Variants in PDE8A observed in about 807,000 individuals in gnomAD.
PDE8A encodes high affinity cAMP-specific and IBMX-insensitive 3',5'-cyclic phosphodiesterase 8A.
PDE8A carries 59 observed loss-of-function variants against 105.0 expected under a neutral mutation model. That is an observed-to-expected ratio of 0.56 (90% CI 0.46 to 0.70). The LOEUF is 0.70. PDE8A is among the 30% of genes least tolerant of loss of function. The probability of loss-of-function intolerance (pLI) is 0.00; values close to 1 mark genes in which losing one functional copy is unlikely to be tolerated. For synonymous variants in PDE8A, 355 were observed against 371.9 expected (o/e 0.95, Z 0.52); for missense variants, 1,014 against 1,045.9 (o/e 0.97, Z 0.42).
rs191446920 is a variant in PDE8A at position 85,076,244 on chromosome 15, T to C, written c.491+326T>C. Among the ~76,000 whole-genome samples, 429 of 152,248 alleles carry C rather than the reference T, an allele frequency of 2.8e-3. 2 individuals are homozygous for C. Among genetic ancestry groups the C allele is most frequent in the African/African-American group, 1.0e-2 (415 of 41,532 alleles). ...ACTCCAAATATCTCTGAGGGGGGAA[T>C]CTTAGGTTTTGTCTTTAAATTGGAG... On this transcript the variant is annotated intron_variant, in intron 4 of 21. Transcript: ENST00000394553.
chr15:85,060,888 T>G (rs771512455), intron 1 of PDE8A, among the ~76,000 whole-genome samples: 15 of 152,218 alleles, frequency 9.9e-5, no homozygotes, highest in Non-Finnish European at 2.9e-5. Context: ...ATTGAGATCT[T>G]TATTTCTTCA....
In PDE8A at chr15:84,982,309, C is replaced by T. The variant is rs779281295; in HGVS notation, c.147C>T (p.Gly49=). ...TAALPRTRGA[G]LLESELRDGS... is the part of the protein sequence containing the mutation. ...CCTTGCCCCGGACCCGCGGCGCCGG[C>T]CTCTTGGAGTCGGAGCTTCGCGACG... Residue 49 remains glycine, a synonymous_variant, in exon 1 of 22, where the codon GGC becomes GGT. Coordinates refer to ENST00000394553, the MANE Select transcript of PDE8A (RefSeq NM_002605.3). The T allele has an allele frequency of 2.5e-5, 34 of 1,351,086 alleles. No individual in the cohort carries two copies. Among genetic ancestry groups the T allele is most frequent in the Middle Eastern group, 2.5e-4 (1 of 3,968 alleles). 83.7% of individuals were successfully genotyped at this position (1,351,086 alleles called of 1,614,324 possible).
intron 1 of PDE8A, among the ~76,000 whole-genome samples, chr15:85,058,543 T>C (rs777919934): frequency 1.2e-4 from 18 of 152,202 alleles, no homozygotes; most frequent in Admixed American, 3.3e-4. Context: ...GGGTTTTCTT[T>C]GTTGGGGGAT....
chr15:85,033,028 G>A (rs1161671294), intron 1 of PDE8A, among the ~76,000 whole-genome samples: 2 of 152,134 alleles, frequency 1.3e-5, no homozygotes, highest in African/African-American at 4.8e-5. Flanking sequence ...CCAGCAGCTA[G>A]GAGAGAAAGA....
chr15:85,019,943 G>GTTTTTTTTTTTTTT (rs201634002), intron 1 of PDE8A, among the ~76,000 whole-genome samples: 13 of 64,776 alleles, frequency 2.0e-4, no homozygotes, highest in East Asian at 5.8e-4. Flanking sequence ...TTTTTTTTTG[G>GTTTTTTTTTTTTTT]TTTTTTTTTT....
chr15:85,109,160 T>G, intron 12 of PDE8A, 30 bp downstream of exon 12: 1 of 1,488,812 alleles, frequency 6.7e-7, no homozygotes, highest in Non-Finnish European at 9.4e-7. Context: ...GAAAAAAATG[T>G]GATCAAATCA....
chr15:84,993,291 A>G (rs1279810041), intron 1 of PDE8A, among the ~76,000 whole-genome samples: 2 of 151,870 alleles, frequency 1.3e-5, no homozygotes, highest in Non-Finnish European at 1.5e-5. Context: ...AAAATACAAA[A>G]AATTAGCCGG....
chr15:85,092,540 G>A (rs922184154), intron 8 of PDE8A, among the ~76,000 whole-genome samples: 3 of 152,004 alleles, frequency 2.0e-5, no homozygotes, highest in African/African-American at 4.8e-5. Flanking sequence ...CCATGGTGGG[G>A]GTGTTACCAT....
rs2082441006 is a variant in PDE8A at position 85,138,055 on chromosome 15, C to T, written c.*152C>T. 1.8e-6 allele frequency: 1 copy of T among 569,194 alleles called. No homozygotes were observed. Among genetic ancestry groups the T allele is most frequent in the South Asian group, 2.3e-5 (1 of 42,922 alleles). 35.3% of individuals were successfully genotyped at this position (569,194 alleles called of 1,614,324 possible). A position where few individuals can be genotyped will look rare whatever the true frequency, so the allele number is the denominator to read the frequency against. On this transcript the variant is annotated 3_prime_UTR_variant, in exon 22 of 22. Coordinates refer to ENST00000394553, the MANE Select transcript of PDE8A (RefSeq NM_002605.3). ...AGCCCACGGGGACATCAGTAACCTT[C>T]TGCAGCCACCATCCAATGCCATTAC...
rs529617314 is a variant in PDE8A, at chr15:85,123,960, G to A, written c.2085+767G>A. 2.0e-5 allele frequency among the ~76,000 whole-genome samples: 3 copies of A among 152,216 alleles called. No individual in the cohort carries two copies. In the East Asian group the frequency reaches 5.8e-4, roughly 29 times the overall value. On this transcript the variant is annotated intron_variant, in intron 19 of 21. Coordinates refer to ENST00000394553, the MANE Select transcript of PDE8A (RefSeq NM_002605.3). The stretch of plus-strand genomic sequence containing the variant: ...ATCCCCCTCCCTTCTTCTCCATTCT[G>A]TGATCAGTTGGAGCCCTTGATATAT...
At chr15:85,074,682 T>C (rs370673160) in intron 3 of PDE8A, among the ~76,000 whole-genome samples, 1 of 152,206 alleles carries the variant, frequency 6.6e-6, no homozygotes, top group African/African-American at 2.4e-5. Context: ...CTCAAAAAGA[T>C]GGGGGCATCC....
intron 11 of PDE8A, among the ~76,000 whole-genome samples, chr15:85,106,947 A>G (rs2081956534): frequency 6.6e-6 from 1 of 152,146 alleles, no homozygotes; most frequent in Non-Finnish European, 1.5e-5. Context: ...CTATACACAT[A>G]TGCTTCTTCC....
At chr15:85,079,781 C>T (rs985323187) in intron 5 of PDE8A, among the ~76,000 whole-genome samples, 8 of 152,106 alleles carry the variant, frequency 5.3e-5, no homozygotes, top group Non-Finnish European at 1.0e-4. Flanking sequence ...GGCATGGTGG[C>T]GCACACCTGT....
intron 11 of PDE8A, among the ~76,000 whole-genome samples, chr15:85,108,554 G>A (rs1306654676): frequency 6.6e-6 from 1 of 152,160 alleles, no homozygotes; most frequent in African/African-American, 2.4e-5. Flanking sequence ...AGAAGAGGGG[G>A]TGAAAGGGAG....
chr15:85,138,757 G>GTAAC lies in PDE8A; in HGVS notation c.*856_*859dup, dbSNP rs961581814. The GTAAC allele has an allele frequency of 2.0e-4, 30 of 152,116 alleles. No individual in the cohort carries two copies. The highest frequency in any genetic ancestry group is 7.0e-4 in the African/African-American group (29 of 41,420). 9.4% of individuals were successfully genotyped at this position (152,116 alleles called of 1,614,324 possible). On this transcript the variant is annotated 3_prime_UTR_variant, in exon 22 of 22. Transcript: ENST00000394553. ...TCTAGCCGCCTAATGCACTTCACAG[G>GTAAC]TAACTCCCCAAGGTAAAACTAGACT...
intron 5 of PDE8A, among the ~76,000 whole-genome samples, chr15:85,077,068 T>C (rs2081391007): frequency 6.6e-6 from 1 of 152,188 alleles, no homozygotes; most frequent in Non-Finnish European, 1.5e-5. Context: ...GGTTTAACTT[T>C]ATAATCTGCT....
chr15:85,070,403 C>G (rs1417907411), intron 3 of PDE8A, among the ~76,000 whole-genome samples: 1 of 152,140 alleles, frequency 6.6e-6, no homozygotes, highest in Non-Finnish European at 1.5e-5. Context: ...TGCTTCTTGT[C>G]TCTGAGGAGC....
intron 11 of PDE8A, among the ~76,000 whole-genome samples, chr15:85,104,116 C>CA (rs2081910211): frequency 1.3e-5 from 2 of 152,236 alleles, no homozygotes; most frequent in African/African-American, 4.8e-5. Flanking sequence ...ATTGTAGTGA[C>CA]AACTGTCCAG....
intron 1 of PDE8A, among the ~76,000 whole-genome samples, chr15:85,039,759 G>A (rs1312439631): frequency 1.3e-5 from 2 of 152,214 alleles, no homozygotes; most frequent in African/African-American, 2.4e-5. Flanking sequence ...TATACATGCA[G>A]TGGAATACTA....
Sources: gnomAD v4.1 joint callset for allele counts (sites outside exome capture counted in the v4.1 genomes callset) on GRCh38, gnomAD v4.1.1 for gene constraint, MANE v1.5 for transcripts, NCBI Gene and HGNC (gene_info 2026-07-23, HGNC 2026-07-21) for gene names.